Variants in POC1B observed in about 807,000 individuals in gnomAD.
The protein encoded by POC1B is POC1 centriolar protein homolog B.
Under a neutral mutation model 60.6 loss-of-function variants are expected in POC1B, and 44 were observed. The ratio of observed to expected loss-of-function variants is 0.73; its 90% confidence interval spans 0.57 to 0.93. The LOEUF is 0.93. Among genes scored for constraint, POC1B ranks in the 40% least tolerant of loss-of-function variants. The probability of loss-of-function intolerance (pLI) is 0.00; values close to 1 mark genes in which losing one functional copy is unlikely to be tolerated. For synonymous variants in POC1B, 180 were observed against 198.9 expected (o/e 0.90, Z 0.80); for missense variants, 555 against 572.3 (o/e 0.97, Z 0.31).
chr12:89,446,477 T>A (rs1881792008), intron 10 of POC1B, among the ~76,000 whole-genome samples: 1 of 152,100 alleles, frequency 6.6e-6, no homozygotes, highest in Non-Finnish European at 1.5e-5. Flanking sequence ...GTGGAAACCA[T>A]CATTCTCAGC....
At chr12:89,413,940 G>A in the POC1B span, among the ~76,000 whole-genome samples, 1 of 151,968 alleles carries the variant, frequency 6.6e-6, no homozygotes, top group Non-Finnish European at 1.5e-5. Flanking sequence ...CGCCCAGGCT[G>A]GTGTGCAGTG....
intron 7 of POC1B, among the ~76,000 whole-genome samples, chr12:89,469,283 A>T (rs573503295): frequency 5.1e-4 from 78 of 152,308 alleles, no homozygotes; most frequent in African/African-American, 1.7e-3. Flanking sequence ...TAATAAATTT[A>T]AAAAATTGAT....
intron 10 of POC1B, 29 bp downstream of exon 10, chr12:89,459,609 T>TTAA: frequency 1.7e-6 from 1 of 578,806 alleles, no homozygotes. Flanking sequence ...CACTTAAGTG[T>TTAA]CAAAAAAAAA....
chr12:89,458,058 C>T (rs938033255), intron 10 of POC1B, among the ~76,000 whole-genome samples: 1 of 152,140 alleles, frequency 6.6e-6, no homozygotes, highest in Non-Finnish European at 1.5e-5. Flanking sequence ...TGAGGCTTTG[C>T]AAAACTTGAA....
intron 2 of POC1B, chr12:89,522,872 C>T: frequency 1.2e-6 from 2 of 1,610,044 alleles, no homozygotes; most frequent in Non-Finnish European, 1.7e-6. Context: ...CTCATTTGTA[C>T]ATCAGGTCGG....
At chr12:89,456,006 T>TTTTTTGTTG (rs1555181522) in intron 10 of POC1B, among the ~76,000 whole-genome samples, 1 of 148,206 alleles carries the variant, frequency 6.7e-6, no homozygotes, top group African/African-American at 2.5e-5. Context: ...AAAACTCTTT[T>TTTTTTGTTG]TTGTTGTTGT....
At chr12:89,493,587 T>C (rs2135739578) in intron 3 of POC1B, among the ~76,000 whole-genome samples, 1 of 152,310 alleles carries the variant, frequency 6.6e-6, no homozygotes, top group South Asian at 2.1e-4. Flanking sequence ...GTTTCAAGGG[T>C]AAATTTCATG....
chr12:89,412,239 T>A, the POC1B span, among the ~76,000 whole-genome samples: 1 of 152,210 alleles, frequency 6.6e-6, no homozygotes, highest in African/African-American at 2.4e-5. Flanking sequence ...TTCTTATTCT[T>A]CTTTCTCCTG....
chr12:89,448,598 G>C (rs1881892092), intron 10 of POC1B, among the ~76,000 whole-genome samples: 1 of 152,306 alleles, frequency 6.6e-6, no homozygotes, highest in South Asian at 2.1e-4. Flanking sequence ...GCCCTGCCAA[G>C]GGAGGTAAAG....
rs200200273 is a variant in POC1B, at chr12:89,435,947, G to GT, written c.1114-10569dup. Among the ~76,000 whole-genome samples the GT allele has an allele frequency of 1.6e-4, 23 of 148,252 alleles. 2 individuals carry two copies. Among genetic ancestry groups the GT allele is most frequent in the South Asian group, 6.5e-4 (3 of 4,622 alleles). On this transcript the variant is annotated intron_variant, in intron 10 of 11. Transcript: ENST00000313546. ...TAAGCAGGAAGTTTTTTTCTTGTTT[G>GT]TTTGTTTTTTTTTTTTGAGACAGAA...
intron 2 of POC1B, chr12:89,521,881 A>G (rs976521040): frequency 2.5e-6 from 1 of 397,816 alleles, no homozygotes; most frequent in Non-Finnish European, 4.4e-6. Flanking sequence ...GGTAGAACCT[A>G]GCCCACTTTC....
intron 2 of POC1B, chr12:89,500,173 C>G: frequency 6.3e-7 from 1 of 1,598,066 alleles, no homozygotes; most frequent in Non-Finnish European, 8.6e-7. Context: ...GTGACATTAA[C>G]ACAGAGCAAG....
intron 10 of POC1B, among the ~76,000 whole-genome samples, chr12:89,451,568 C>A (rs918197435): frequency 6.6e-6 from 1 of 152,044 alleles, no homozygotes; most frequent in Non-Finnish European, 1.5e-5. Context: ...AAAGTAAAAG[C>A]AAAGAAATTG....
chr12:89,456,306 C>A (rs1882256467), intron 10 of POC1B, among the ~76,000 whole-genome samples: 1 of 152,154 alleles, frequency 6.6e-6, no homozygotes, highest in African/African-American at 2.4e-5. Flanking sequence ...CAGGTGTGAG[C>A]CACTGTGCCC....
the POC1B span, among the ~76,000 whole-genome samples, chr12:89,412,640 G>A: frequency 6.7e-6 from 1 of 150,238 alleles, no homozygotes; most frequent in Non-Finnish European, 1.5e-5. Flanking sequence ...TCGCACCAAT[G>A]CACTCCAGCC....
intron 2 of POC1B, among the ~76,000 whole-genome samples, chr12:89,516,521 T>C (rs533945119): frequency 6.7e-6 from 1 of 149,326 alleles, no homozygotes; most frequent in South Asian, 2.1e-4. Flanking sequence ...AATCTCCATA[T>C]AGTAGCCAGA....
At chr12:89,491,583 C>T (rs988904252) in intron 4 of POC1B, among the ~76,000 whole-genome samples, 10 of 144,416 alleles carry the variant, frequency 6.9e-5, no homozygotes, top group African/African-American at 2.6e-4. Flanking sequence ...GTAATGGCAG[C>T]ACTGCACTCC....
intron 10 of POC1B, among the ~76,000 whole-genome samples, chr12:89,452,585 C>T (rs1274016405): frequency 6.6e-6 from 1 of 151,866 alleles, no homozygotes; most frequent in Non-Finnish European, 1.5e-5. Context: ...TTCCTTGTGA[C>T]TTTGAAACTT....
intron 10 of POC1B, among the ~76,000 whole-genome samples, chr12:89,456,804 A>G (rs1407325606): frequency 6.6e-6 from 1 of 152,206 alleles, no homozygotes; most frequent in Non-Finnish European, 1.5e-5. Context: ...TCTTCTCTGT[A>G]GTGAGAAGAC....
Sources: allele counts gnomAD v4.1 joint callset (sites outside exome capture counted in the v4.1 genomes callset), GRCh38; gene constraint gnomAD v4.1.1; transcripts MANE v1.5; gene names NCBI Gene and HGNC (gene_info 2026-07-23, HGNC 2026-07-21).